Variants in IGF2BP3 observed in about 807,000 individuals in gnomAD.
IGF2BP3 encodes the protein insulin like growth factor 2 mRNA binding protein 3.
IGF2BP3 carries 9 observed loss-of-function variants against 73.8 expected under a neutral mutation model. The ratio of observed to expected loss-of-function variants is 0.12; its 90% confidence interval spans 0.07 to 0.21. The LOEUF (loss-of-function observed/expected upper bound fraction) is 0.21. Ranked by LOEUF, IGF2BP3 falls within the 10% of genes least tolerant of loss-of-function variation. The pLI is 1.00. For missense variants in IGF2BP3, 542 were observed against 714.0 expected (o/e 0.76, Z 2.75); for synonymous variants, 258 against 256.7 (o/e 1.01, Z -0.05).
chr7:23,315,357 C>A (rs1212421913), intron 12 of IGF2BP3, among the ~76,000 whole-genome samples: 1 of 152,168 alleles, frequency 6.6e-6, no homozygotes, highest in African/African-American at 2.4e-5. Context: ...ATCTACCCAC[C>A]TAGGCCTCTC....
intron 3 of IGF2BP3, among the ~76,000 whole-genome samples, chr7:23,378,569 G>GTTTTTTTTTTTTTTT (rs1156868701): frequency 1.5e-5 from 1 of 65,882 alleles, no homozygotes; most frequent in Non-Finnish European, 2.6e-5. Flanking sequence ...ATTTTTGCTT[G>GTTTTTTTTTTTTTTT]TTTTTTTTTT....
chr7:23,421,574 C>A (rs536087966), intron 2 of IGF2BP3, among the ~76,000 whole-genome samples: 1 of 150,818 alleles, frequency 6.6e-6, no homozygotes. Context: ...TGCCTGTAAT[C>A]CCGGCTACTC....
intron 2 of IGF2BP3, among the ~76,000 whole-genome samples, chr7:23,446,058 A>T (rs943008986): frequency 6.6e-6 from 1 of 152,192 alleles, no homozygotes; most frequent in Admixed American, 6.6e-5. Context: ...TGGACATTAG[A>T]TGGTCATAAT....
At chr7:23,435,693 T>C (rs984881572) in intron 2 of IGF2BP3, among the ~76,000 whole-genome samples, 9 of 152,096 alleles carry the variant, frequency 5.9e-5, no homozygotes, top group African/African-American at 2.2e-4. Flanking sequence ...CCTGACCTCA[T>C]GATCCACCCA....
At chr7:23,400,012 G>A (rs1263549102) in intron 3 of IGF2BP3, among the ~76,000 whole-genome samples, 1 of 151,962 alleles carries the variant, frequency 6.6e-6, no homozygotes, top group Non-Finnish European at 1.5e-5. Context: ...GCCACACCAG[G>A]TCCTTGGCTA....
At chr7:23,448,043 T>C (rs1788106629) in intron 2 of IGF2BP3, among the ~76,000 whole-genome samples, 1 of 152,162 alleles carries the variant, frequency 6.6e-6, no homozygotes, top group Non-Finnish European at 1.5e-5. Context: ...ATTTTTTACA[T>C]TTAACTAATA....
intron 3 of IGF2BP3, among the ~76,000 whole-genome samples, chr7:23,417,813 G>GT (rs1334704589): frequency 9.2e-5 from 14 of 151,764 alleles, no homozygotes; most frequent in Non-Finnish European, 8.8e-5. Context: ...ATAACCCACC[G>GT]TTTCCATCTA....
rs149740075 is a variant in IGF2BP3 at position 23,328,551 on chromosome 7, G to A, written c.1204-9297C>T. ...AAAAACACTCCAGAAATAACAAAAGGGCTGGTTCTTTGAATATAAGGAATA... is the reference window on the plus strand; with the variant it reads ...AAAAACACTCCAGAAATAACAAAAGAGCTGGTTCTTTGAATATAAGGAATA... On this transcript the variant is annotated intron_variant, in intron 10 of 14. Coordinates refer to ENST00000258729, the MANE Select transcript of IGF2BP3 (RefSeq NM_006547.3). Among the ~76,000 whole-genome samples, 301 of 152,194 alleles carry A rather than the reference G, an allele frequency of 2.0e-3. 2 individuals are homozygous for A. The highest frequency in any genetic ancestry group is 7.0e-3 in the African/African-American group (292 of 41,524).
chr7:23,411,443 G>C (rs906869696), intron 3 of IGF2BP3, among the ~76,000 whole-genome samples: 1 of 152,164 alleles, frequency 6.6e-6, no homozygotes, highest in African/African-American at 2.4e-5. Flanking sequence ...TTATCCGGGC[G>C]TGGTGGCACA....
chr7:23,458,751 G>C (rs1389752180), intron 2 of IGF2BP3, among the ~76,000 whole-genome samples: 5 of 152,064 alleles, frequency 3.3e-5, no homozygotes, highest in Non-Finnish European at 7.4e-5. Flanking sequence ...ATAAGCCCTG[G>C]GGCACAGACT....
intron 2 of IGF2BP3, among the ~76,000 whole-genome samples, chr7:23,455,236 C>T (rs1788289410): frequency 6.6e-6 from 1 of 152,186 alleles, no homozygotes; most frequent in Non-Finnish European, 1.5e-5. Flanking sequence ...ACGCAGGCTG[C>T]TCCAGCTGCC....
chr7:23,420,286 C>T (rs934959030), intron 2 of IGF2BP3, among the ~76,000 whole-genome samples: 1 of 152,060 alleles, frequency 6.6e-6, no homozygotes, highest in Admixed American at 6.6e-5. Context: ...GACAACATAG[C>T]CAAACCCCAT....
At chr7:23,427,186 T>C (rs904663811) in intron 2 of IGF2BP3, among the ~76,000 whole-genome samples, 1 of 152,092 alleles carries the variant, frequency 6.6e-6, no homozygotes, top group African/African-American at 2.4e-5. Flanking sequence ...CCAGAAACAC[T>C]GGACAGACAA....
intron 3 of IGF2BP3, among the ~76,000 whole-genome samples, chr7:23,398,352 T>G (rs987648879): frequency 3.9e-5 from 6 of 152,200 alleles, no homozygotes; most frequent in East Asian, 1.9e-4. Flanking sequence ...TTGCTACTGT[T>G]AATAGTGCCA....
intron 2 of IGF2BP3, among the ~76,000 whole-genome samples, chr7:23,445,720 A>G (rs187455515): frequency 1.3e-5 from 2 of 152,314 alleles, no homozygotes; most frequent in East Asian, 3.9e-4. Context: ...ATGCATGATC[A>G]TGAGCTAAAG....
At chr7:23,394,633 C>T (rs1045276751) in intron 3 of IGF2BP3, 1 of 152,210 alleles carries the variant, frequency 6.6e-6, no homozygotes, top group African/African-American at 2.4e-5. Flanking sequence ...AACACCAAGG[C>T]AAACACAGTC....
intron 2 of IGF2BP3, chr7:23,450,553 G>A (rs1037346519): frequency 2.6e-5 from 4 of 152,048 alleles, no homozygotes; most frequent in Admixed American, 2.0e-4. Flanking sequence ...GATCCTTTCC[G>A]AGTATAAGAC....
intron 3 of IGF2BP3, among the ~76,000 whole-genome samples, chr7:23,394,265 G>A (rs916541925): frequency 2.0e-5 from 3 of 152,164 alleles, no homozygotes; most frequent in African/African-American, 7.2e-5. Flanking sequence ...CCAGGAGTTG[G>A]AGACCGGCCT....
intron 7 of IGF2BP3, among the ~76,000 whole-genome samples, chr7:23,346,336 C>T (rs1784827252): frequency 6.6e-6 from 1 of 152,114 alleles, no homozygotes; most frequent in African/African-American, 2.4e-5. Context: ...AAACCATATT[C>T]CTAAACCCCT....
Sources: gnomAD v4.1 joint callset for allele counts (sites outside exome capture counted in the v4.1 genomes callset) on GRCh38, gnomAD v4.1.1 for gene constraint, MANE v1.5 for transcripts, NCBI Gene and HGNC (gene_info 2026-07-23, HGNC 2026-07-21) for gene names.